Variants in BCO2 observed in about 807,000 individuals in gnomAD.
BCO2 encodes the protein carotenoid-cleaving dioxygenase, mitochondrial.
In BCO2, 56 loss-of-function variants were observed where a neutral mutation model predicts 65.8. That is an observed-to-expected ratio of 0.85 (90% confidence interval 0.69 to 1.06). The LOEUF is 1.06. Ranked by LOEUF, BCO2 falls within the 50% of genes least tolerant of loss-of-function variation. The pLI, the probability that BCO2 is intolerant of heterozygous loss-of-function variation, is 0.00. For missense variants in BCO2, 675 were observed against 698.5 expected (o/e 0.97, Z 0.38); for synonymous variants, 233 against 242.3 (o/e 0.96, Z 0.36).
chr11:112,191,012 T>C (rs1184055452), intron 2 of BCO2, among the ~76,000 whole-genome samples: 1 of 150,768 alleles, frequency 6.6e-6, no homozygotes, highest in Non-Finnish European at 1.5e-5. Flanking sequence ...CTATCTATTA[T>C]ATCTTGGTGC....
At chr11:112,200,803 A>G in intron 7 of BCO2, 30 bp downstream of exon 7, 3 of 1,596,880 alleles carry the variant, frequency 1.9e-6, no homozygotes, top group Non-Finnish European at 2.6e-6. Context: ...TTTATCATGA[A>G]AATTGTTGGA....
chr11:112,211,394 C>T (rs1859505390), intron 8 of BCO2, among the ~76,000 whole-genome samples: 1 of 151,716 alleles, frequency 6.6e-6, no homozygotes, highest in African/African-American at 2.4e-5. Flanking sequence ...TGGGTTGTTT[C>T]CATCTTTGGA....
intron 8 of BCO2, among the ~76,000 whole-genome samples, chr11:112,204,833 C>T (rs1036985428): frequency 2.0e-5 from 3 of 151,984 alleles, no homozygotes; most frequent in South Asian, 4.2e-4. Flanking sequence ...CCACCATGCC[C>T]GTTGTATTTT....
At position 112,218,495 on chromosome 11, in the gene BCO2, A is replaced by G. The variant is rs957090; in HGVS notation, c.*621A>G. 0.028 allele frequency: 7,531 copies of G among 269,796 alleles called. 362 individuals carry two copies. The highest frequency in any genetic ancestry group is 0.13 in the African/African-American group (5,702 of 44,754). The allele number at this position is 269,796 out of a possible 1,614,324, so 16.7% of individuals were successfully genotyped here. ...TTTTGTCTGCCTGCACCCAACTGCAATGAGCCTATGTATGTCAAGTTGGTG... is the reference window on the plus strand; with the variant it reads ...TTTTGTCTGCCTGCACCCAACTGCAGTGAGCCTATGTATGTCAAGTTGGTG... On this transcript the variant is annotated 3_prime_UTR_variant, in exon 12 of 12. Transcript: ENST00000357685.
Position 112,213,726 on chromosome 11 carries a change from C to T in BCO2, c.1197C>T (p.Val399=), listed in dbSNP as rs1264791638. 5.6e-6 allele frequency: 9 copies of T among 1,612,778 alleles called. No individual in the cohort carries two copies. The East Asian group carries it at 1.8e-4, about 32-fold the overall frequency. ...LRKAGEGLDQ[V]HNSAAKSFPR... is the part of the protein sequence containing the mutation. ...ATCTCTTTCTTCTTCCCAAACAGGT[C>T]CATAATTCAGCAGCCAAATCTTTCC... Residue 399 remains valine (V), a splice_region_variant and synonymous_variant, in exon 9 of 12, where the codon GTC becomes GTT. Transcript: ENST00000357685.
Position 112,217,795 on chromosome 11 carries a change from A to C in BCO2, c.1661A>C (p.Lys554Thr). 1 of 1,614,102 alleles carries C rather than the reference A, an allele frequency of 6.2e-7. No individual in the cohort carries two copies. Among genetic ancestry groups the C allele is most frequent in the Non-Finnish European group, 8.5e-7 (1 of 1,179,942 alleles). The change falls in exon 12 of 12, where the codon AAG becomes ACG. Residue 554 changes from lysine to threonine, a missense_variant. Coordinates refer to ENST00000357685, the MANE Select transcript of BCO2 (RefSeq NM_031938.7). ...ESNFILVLDA[K>T]NFEELGRAEV... ...AATTTTATCCTAGTTTTGGATGCCA[A>C]GAACTTTGAAGAGCTGGGCCGAGCA...
chr11:112,189,671 G>T (rs1867313255), intron 2 of BCO2, among the ~76,000 whole-genome samples: 1 of 152,004 alleles, frequency 6.6e-6, no homozygotes, highest in African/African-American at 2.4e-5. Flanking sequence ...CAAAGTGCTG[G>T]GATTACAGGC....
At chr11:112,191,320 T>C (rs1310608882) in intron 2 of BCO2, among the ~76,000 whole-genome samples, 2 of 152,074 alleles carry the variant, frequency 1.3e-5, no homozygotes, top group African/African-American at 2.4e-5. Context: ...GGATGTAAAA[T>C]TAACACACTG....
intron 8 of BCO2, among the ~76,000 whole-genome samples, chr11:112,209,180 A>G (rs894419670): frequency 6.6e-6 from 1 of 152,154 alleles, no homozygotes; most frequent in Non-Finnish European, 1.5e-5. Flanking sequence ...GCATAATGTC[A>G]TGTATCTACC....
chr11:112,211,316 G>GTA (rs1196530849), intron 8 of BCO2, among the ~76,000 whole-genome samples: 2 of 67,974 alleles, frequency 2.9e-5, no homozygotes, highest in African/African-American at 5.0e-5. Context: ...ATATTCGATT[G>GTA]TATACACACA....
chr11:112,179,210 T>TG (rs1866961604), intron 1 of BCO2, 68 bp from the exon 2 acceptor site: 2 of 1,452,206 alleles, frequency 1.4e-6, no homozygotes, highest in East Asian at 4.6e-5. Flanking sequence ...TTATTGTCTG[T>TG]GGGAAACAGG....
At chr11:112,193,347 A>G (rs1867456597) in intron 2 of BCO2, 127 bp from the exon 3 acceptor site, 2 of 870,182 alleles carry the variant, frequency 2.3e-6, no homozygotes, top group Admixed American at 2.4e-5. Flanking sequence ...TCTCTGACTA[A>G]TCAGGTTGTG....
At chr11:112,211,597 C>T (rs967297379) in intron 8 of BCO2, among the ~76,000 whole-genome samples, 4 of 152,016 alleles carry the variant, frequency 2.6e-5, no homozygotes, top group African/African-American at 9.7e-5. Flanking sequence ...CACAAGAGTT[C>T]CAGTTCTTCA....
At position 112,200,690 on chromosome 11, in the gene BCO2, CG is replaced by C; in HGVS notation, c.947del (p.Gly316GlufsTer8). On this transcript the variant is annotated frameshift_variant, in exon 7 of 12. Transcript: ENST00000357685. LOFTEE classifies it high-confidence loss of function. ...GTGGAAAATTGCCACTTCTAAAATT[CG>C]GGGAAAGGCCTTTTCAGATGGGATA... ...NLWKIATSKI[R>X]GKAFSDGISW... The C allele has an allele frequency of 6.2e-7, 1 of 1,613,736 alleles. No homozygotes were observed. The highest frequency in any genetic ancestry group is 1.7e-5 in the Admixed American group (1 of 59,868).
intron 5 of BCO2, among the ~76,000 whole-genome samples, chr11:112,199,036 G>A (rs1477565177): frequency 2.0e-5 from 3 of 151,988 alleles, no homozygotes; most frequent in Admixed American, 6.6e-5. Flanking sequence ...GTATACACAT[G>A]CCATGGTGGT....
chr11:112,199,931 G>T, intron 6 of BCO2, 104 bp downstream of exon 6: 1 of 1,372,836 alleles, frequency 7.3e-7, no homozygotes, highest in Non-Finnish European at 1.0e-6. Context: ...TCACGCTATG[G>T]TGATAATGAG....
At chr11:112,216,960 C>T (rs1396225599) in intron 11 of BCO2, among the ~76,000 whole-genome samples, 1 of 152,218 alleles carries the variant, frequency 6.6e-6, no homozygotes, top group Non-Finnish European at 1.5e-5. Context: ...GCGATATCTG[C>T]CATGGGCTTT....
chr11:112,214,577 A>T (rs1196717080), intron 9 of BCO2, 185 bp from the exon 10 acceptor site: 1 of 583,522 alleles, frequency 1.7e-6, no homozygotes, highest in East Asian at 2.8e-5. Context: ...TTATTAATAA[A>T]ACTTGATAAT....
At chr11:112,205,586 C>G (rs1867845473) in intron 8 of BCO2, among the ~76,000 whole-genome samples, 1 of 152,306 alleles carries the variant, frequency 6.6e-6, no homozygotes, top group South Asian at 2.1e-4. Flanking sequence ...TCCCAAGTAG[C>G]TGGGTCTACA....
Sources: gnomAD v4.1 joint callset for allele counts (sites outside exome capture counted in the v4.1 genomes callset) on GRCh38, gnomAD v4.1.1 for gene constraint, MANE v1.5 for transcripts, NCBI Gene and HGNC (gene_info 2026-07-23, HGNC 2026-07-21) for gene names.